PRAG1: variants seen among roughly 807,000 people sequenced by gnomAD.
The protein encoded by PRAG1 is PEAK1 related, kinase-activating pseudokinase 1.
PRAG1 carries 110 observed loss-of-function variants against 95.6 expected under a neutral mutation model. That is an observed-to-expected ratio of 1.15 (90% CI 0.99 to 1.35). The LOEUF (loss-of-function observed/expected upper bound fraction) is 1.35. Among genes scored for constraint, PRAG1 ranks in the 40% most tolerant of loss-of-function variants. PRAG1 has a pLI of 0.00. For synonymous variants in PRAG1, 1,052 were observed against 819.4 expected, an observed-to-expected ratio of 1.28 and a Z score of -4.85; for missense variants, 2,554 against 1,864.7, an observed-to-expected ratio of 1.37 and a Z score of -6.81.
At chr8:8,383,876 G>A (rs1800763380) in intron 1 of PRAG1, among the ~76,000 whole-genome samples, 2 of 152,188 alleles carry the variant, frequency 1.3e-5, no homozygotes, top group Admixed American at 1.3e-4. Context: ...TTGCTGCTAA[G>A]TTTTGGGAGG....
At chr8:8,335,733 T>G (rs1202447519) in intron 4 of PRAG1, among the ~76,000 whole-genome samples, 1 of 152,096 alleles carries the variant, frequency 6.6e-6, no homozygotes, top group East Asian at 1.9e-4. Context: ...GTTCCTGGCT[T>G]GATTTTTCTC....
chr8:8,327,631 G>T, intron 5 of PRAG1, 79 bp downstream of exon 5: 1 of 1,476,288 alleles, frequency 6.8e-7, no homozygotes. Flanking sequence ...CAGGTGAAAT[G>T]ACTTGCTCAG....
rs542344227 is a variant in PRAG1, at chr8:8,341,215, C to T, written c.2163-1580G>A. On this transcript the variant is annotated intron_variant, in intron 3 of 5. Coordinates refer to ENST00000615670, the MANE Select transcript of PRAG1 (RefSeq NM_001080826.3). ...TAAGGGAGAAACTACAGCACCATGG[C>T]TACAGAGCTGGCACAGCTTCCCACT... Among the ~76,000 whole-genome samples the T allele has an allele frequency of 3.3e-5, 5 of 152,198 alleles. No individual in the cohort carries two copies. The East Asian group carries it at 9.6e-4, about 29-fold the overall frequency.
intron 3 of PRAG1, among the ~76,000 whole-genome samples, chr8:8,374,185 C>T (rs1800304978): frequency 6.6e-6 from 1 of 152,184 alleles, no homozygotes; most frequent in Non-Finnish European, 1.5e-5. Flanking sequence ...ATTATCATCT[C>T]ATTTTAGAGA....
At chr8:8,381,145 T>A (rs957031619) in intron 2 of PRAG1, among the ~76,000 whole-genome samples, 16 of 152,188 alleles carry the variant, frequency 1.1e-4, no homozygotes, top group Non-Finnish European at 2.2e-4. Flanking sequence ...AACTTTTTTT[T>A]AAAAAAGCTT....
At chr8:8,350,708 G>T (rs182579487) in intron 3 of PRAG1, among the ~76,000 whole-genome samples, 2 of 152,316 alleles carry the variant, frequency 1.3e-5, no homozygotes, top group Admixed American at 1.3e-4. Context: ...CCTGGGTTCG[G>T]GTCCTGACTC....
At chr8:8,355,778 A>G (rs1010895659) in intron 3 of PRAG1, among the ~76,000 whole-genome samples, 1 of 152,186 alleles carries the variant, frequency 6.6e-6, no homozygotes, top group Non-Finnish European at 1.5e-5. Context: ...CATAAACTCA[A>G]AATGGATAGA....
chr8:8,334,166 G>A (rs1264930492), intron 4 of PRAG1, among the ~76,000 whole-genome samples: 2 of 152,204 alleles, frequency 1.3e-5, no homozygotes, highest in Non-Finnish European at 2.9e-5. Flanking sequence ...AAAGCAGGCC[G>A]GGCTCAGTGA....
chr8:8,350,403 T>A (rs1055943291), intron 3 of PRAG1, among the ~76,000 whole-genome samples: 2 of 152,170 alleles, frequency 1.3e-5, no homozygotes, highest in South Asian at 4.1e-4. Context: ...TTCCAACTCA[T>A]GGCCTGGAAA....
Position 8,376,772 on chromosome 8 carries a change from G to T in PRAG1, c.1637C>A (p.Pro546His), listed in dbSNP as rs781292176. ...TACAGGGCTACTCTTGGACAACTTG[G>T]GGGGAATGGCGGGCCTCTCCTTGGG... is the stretch of plus-strand genomic sequence containing the variant. ...SKPKERPAIP[P>H]KLSKSSPVGS... is the part of the protein sequence containing the mutation. The change falls in exon 3 of 6, where the codon CCC becomes CAC. Residue 546 changes from proline to histidine, a missense_variant. Transcript: ENST00000615670. The T allele has an allele frequency of 1.9e-6, 3 of 1,610,846 alleles. No homozygotes were observed. The highest frequency in any genetic ancestry group is 2.2e-5 in the East Asian group (1 of 44,876).
At chr8:8,371,889 G>A (rs997615411) in intron 3 of PRAG1, among the ~76,000 whole-genome samples, 2 of 152,058 alleles carry the variant, frequency 1.3e-5, no homozygotes, top group African/African-American at 4.8e-5. Context: ...AAAAAACAAA[G>A]ACGTCACCCA....
At chr8:8,354,835 C>G (rs572061011) in intron 3 of PRAG1, among the ~76,000 whole-genome samples, 1 of 152,172 alleles carries the variant, frequency 6.6e-6, no homozygotes, top group East Asian at 1.9e-4. Context: ...TGGGGAACAA[C>G]TAAATGTTTT....
intron 2 of PRAG1, among the ~76,000 whole-genome samples, chr8:8,380,065 G>A (rs1427783745): frequency 6.6e-6 from 1 of 151,116 alleles, no homozygotes; most frequent in Non-Finnish European, 1.5e-5. Context: ...GACCAGCCTG[G>A]GCAAGACAGC....
Position 8,318,313 on chromosome 8 carries a change from C to G in PRAG1, c.4062G>C (p.Trp1354Cys). The G allele has an allele frequency of 2.5e-6, 4 of 1,614,168 alleles. No individual in the cohort carries two copies. The highest frequency in any genetic ancestry group is 3.4e-6 in the Non-Finnish European group (4 of 1,179,990). The change falls in exon 6 of 6, where the codon TGG becomes TGC. Residue 1354 changes from tryptophan to cysteine, a missense_variant. By Grantham distance (215) the Trp-to-Cys change is radical. Transcript: ENST00000615670. The surrounding 1 kb of genome is among the most constrained non-coding windows in gnomAD (Gnocchi z 4.2). ...TCATCAGGGCCCGCTTCATGTCGAT[C>G]CAGTTGTGCAGCGTGCCGCACAGCG... ...EEALCGTLHN[W>C]IDMKRALMMM...
chr8:8,321,506 A>T (rs1445695641), intron 5 of PRAG1, among the ~76,000 whole-genome samples: 1 of 152,206 alleles, frequency 6.6e-6, no homozygotes, highest in Non-Finnish European at 1.5e-5. Flanking sequence ...TTGTCAGTGG[A>T]GATGTGGGAG....
intron 3 of PRAG1, among the ~76,000 whole-genome samples, chr8:8,345,900 G>A (rs1160069747): frequency 6.6e-6 from 1 of 152,174 alleles, no homozygotes; most frequent in East Asian, 1.9e-4. Context: ...TTTGAGAATT[G>A]CCACTTTAAT....
intron 4 of PRAG1, among the ~76,000 whole-genome samples, chr8:8,338,292 A>G (rs1447865308): frequency 6.6e-6 from 1 of 152,190 alleles, no homozygotes; most frequent in African/African-American, 2.4e-5. Flanking sequence ...TCTGGGAAAC[A>G]AAGTGGTGAA....
intron 5 of PRAG1, 56 bp from the exon 6 acceptor site, chr8:8,319,358 A>G (rs1344592391): frequency 4.2e-6 from 6 of 1,415,486 alleles, no homozygotes; most frequent in Non-Finnish European, 5.7e-6. Flanking sequence ...CCGCCCAGCA[A>G]AGAGTGTGGA....
In PRAG1 at chr8:8,319,293, C is replaced by T. The variant is rs1470023983; in HGVS notation, c.3082G>A (p.Ala1028Thr). Reference sequence around the variant, plus strand: ...TAGGAGACTGTTTTGGGCTCAGGGGCTTTGCAGATCTGTGGAGAGAAGAAG... The same window carrying T: ...TAGGAGACTGTTTTGGGCTCAGGGGTTTTGCAGATCTGTGGAGAGAAGAAG... ...GSTYAVKICK[A>T]PEPKTVSYCS... The change falls in exon 6 of 6, where the codon GCC becomes ACC. Residue 1028 changes from alanine to threonine, a missense_variant. By Grantham distance (58) the Ala-to-Thr change is moderately conservative. Coordinates refer to ENST00000615670, the MANE Select transcript of PRAG1 (RefSeq NM_001080826.3). The T allele has an allele frequency of 6.6e-7, 1 of 1,508,456 alleles. No individual in the cohort carries two copies. The highest frequency in any genetic ancestry group is 1.3e-5 in the South Asian group (1 of 74,948). 93.4% of individuals were successfully genotyped at this position (1,508,456 alleles called of 1,614,324 possible).
Sources: gnomAD v4.1 joint callset for allele counts (sites outside exome capture counted in the v4.1 genomes callset) on GRCh38, gnomAD v4.1.1 for gene constraint, Gnocchi (gnomAD v3.1) non-coding constraint, MANE v1.5 for transcripts, NCBI Gene and HGNC (gene_info 2026-07-23, HGNC 2026-07-21) for gene names.